The following ACP7 variants were observed in gnomAD, a reference collection of about 807,000 sequenced individuals.
The protein encoded by ACP7 is acid phosphatase 7, tartrate resistant (putative), also known as acid phosphatase type 7.
ACP7 carries 58 observed loss-of-function variants against 60.6 expected under a neutral mutation model. The observed-to-expected ratio is 0.96, with a 90% CI of 0.77 to 1.19. The LOEUF is 1.19. Among genes scored for constraint, ACP7 ranks in the 50% most tolerant of loss-of-function variants. ACP7 has a pLI of 0.00. For missense variants in ACP7, 574 were observed against 596.2 expected (o/e 0.96, Z 0.39); for synonymous variants, 237 against 232.6 (o/e 1.02, Z -0.17).
chr19:39,083,968 C>T (rs960143968), upstream of ACP7: 1 of 152,408 alleles, frequency 6.6e-6, no homozygotes, highest in Non-Finnish European at 1.5e-5. Flanking sequence ...GTTGGGGATC[C>T]CCCGGTCCTG....
chr19:39,085,489 G>T, intron 2 of ACP7, 99 bp downstream of exon 2: 2 of 1,446,338 alleles, frequency 1.4e-6, no homozygotes, highest in Non-Finnish European at 1.8e-6. Context: ...GCCCCTAGGC[G>T]GGTGGCTCAT....
In ACP7 at chr19:39,100,984, C is replaced by A; in HGVS notation, c.843C>A (p.Ile281=). 1.9e-6 allele frequency: 3 copies of A among 1,613,640 alleles called. No individual in the cohort carries two copies. The highest frequency in any genetic ancestry group is 2.5e-6 in the Non-Finnish European group (3 of 1,179,974). The change falls in exon 8 of 13, where the codon ATC becomes ATA. Residue 281 remains isoleucine, a synonymous_variant. Transcript: ENST00000331256. ...ANKNRAARPW[I]ITMGHRPMYC... ...AGAACCGGGCAGCCCGGCCGTGGAT[C>A]ATCACTATGGGGCACCGGCCCATGT...
At chr19:39,094,088 C>T (rs184048728) in intron 2 of ACP7, among the ~76,000 whole-genome samples, 6 of 152,270 alleles carry the variant, frequency 3.9e-5, no homozygotes, top group Admixed American at 6.5e-5. Context: ...CTACACCACA[C>T]GGTATTTTTA....
intron 3 of ACP7, 138 bp from the exon 4 acceptor site, chr19:39,098,822 G>A (rs1170240697): frequency 1.5e-6 from 2 of 1,379,224 alleles, no homozygotes; most frequent in African/African-American, 2.9e-5. Flanking sequence ...AGGTGCCGGG[G>A]AAGGCAGACC....
At chr19:39,089,148 C>T (rs953538627) in intron 2 of ACP7, among the ~76,000 whole-genome samples, 8 of 151,970 alleles carry the variant, frequency 5.3e-5, no homozygotes, top group African/African-American at 9.7e-5. Context: ...AGGCTGGTCT[C>T]GAACTCCTGA....
At chr19:39,092,574 T>A (rs2073215589) in intron 2 of ACP7, among the ~76,000 whole-genome samples, 1 of 152,114 alleles carries the variant, frequency 6.6e-6, no homozygotes, top group Non-Finnish European at 1.5e-5. Flanking sequence ...TTTTTTTTAA[T>A]CTGGTTAGGT....
intron 11 of ACP7, among the ~76,000 whole-genome samples, chr19:39,106,359 C>T (rs576646974): frequency 6.6e-6 from 1 of 152,310 alleles, no homozygotes; most frequent in African/African-American, 2.4e-5. Flanking sequence ...ATTTAACTGA[C>T]TCCCTGATGG....
At chr19:39,102,767 C>CTT (rs754172891) in intron 11 of ACP7, among the ~76,000 whole-genome samples, 3,877 of 100,942 alleles carry the variant, frequency 0.038, 62 homozygotes, top group African/African-American at 0.062. Flanking sequence ...TTCTTTCTTT[C>CTT]TCTCTCTCTC....
intron 2 of ACP7, among the ~76,000 whole-genome samples, chr19:39,094,855 G>T (rs114377753): frequency 6.6e-4 from 100 of 152,234 alleles, no homozygotes; most frequent in African/African-American, 2.3e-3. Flanking sequence ...GGCTGGGGAG[G>T]CCTGAGAATC....
chr19:39,101,619 G>C (rs991490464), intron 11 of ACP7, 82 bp downstream of exon 11: 2 of 1,453,330 alleles, frequency 1.4e-6, no homozygotes, highest in Non-Finnish European at 1.9e-6. Context: ...CTGAGTGCTG[G>C]GTGCTTTATA....
At position 39,110,253 on chromosome 19, in the gene ACP7, T is replaced by A; in HGVS notation, c.*135T>A. 1 of 785,940 alleles carries A rather than the reference T, an allele frequency of 1.3e-6. No homozygotes were observed. Among genetic ancestry groups the A allele is most frequent in the Non-Finnish European group, 2.1e-6 (1 of 479,052 alleles). 48.7% of individuals were successfully genotyped at this position (785,940 alleles called of 1,614,324 possible). On this transcript the variant is annotated 3_prime_UTR_variant, in exon 13 of 13. Coordinates refer to ENST00000331256, the MANE Select transcript of ACP7 (RefSeq NM_001004318.3). ...CTCCAGAGGCCCCATGTAGGGTACA[T>A]GCAGCCCTATGGAGCTGGGGCAGCT...
intron 3 of ACP7, 37 bp downstream of exon 3, chr19:39,098,695 T>G: frequency 2.6e-6 from 4 of 1,565,024 alleles, no homozygotes; most frequent in Admixed American, 1.8e-5. Context: ...TGAGGAGGAG[T>G]GGGAAGAGGA....
At chr19:39,094,068 T>A (rs914029129) in intron 2 of ACP7, among the ~76,000 whole-genome samples, 1 of 152,200 alleles carries the variant, frequency 6.6e-6, no homozygotes, top group African/African-American at 2.4e-5. Flanking sequence ...GAAGAACTCT[T>A]AACATTACAC....
chr19:39,092,295 A>G (rs935136738), intron 2 of ACP7, among the ~76,000 whole-genome samples: 3 of 151,990 alleles, frequency 2.0e-5, no homozygotes, highest in African/African-American at 7.2e-5. Context: ...AATCGCTTCA[A>G]CCCGGGAGGC....
chr19:39,103,521 T>G (rs2073380749), intron 11 of ACP7, among the ~76,000 whole-genome samples: 1 of 150,828 alleles, frequency 6.6e-6, no homozygotes, highest in South Asian at 2.1e-4. Flanking sequence ...TTTTTTAATT[T>G]TTTAATTTAA....
chr19:39,087,585 T>G (rs987211562), intron 2 of ACP7, among the ~76,000 whole-genome samples: 4 of 151,546 alleles, frequency 2.6e-5, no homozygotes, highest in Admixed American at 2.6e-4. Flanking sequence ...CTCAGTCTCT[T>G]GAATAGCTGG....
chr19:39,106,965 A>G lies in ACP7; in HGVS notation c.1132A>G (p.Thr378Ala), dbSNP rs765532236. Residue 378 changes from threonine (T) to alanine (A), a missense_variant, in exon 12 of 13, where the codon ACG (threonine) becomes GCG (alanine). Thr to Ala is a moderately conservative substitution (Grantham distance 58). Coordinates refer to ENST00000331256, the MANE Select transcript of ACP7 (RefSeq NM_001004318.3). Reference protein sequence around the residue: ...TGSAGCEERLTPFAVFPRPWS... With the variant: ...TGSAGCEERLAPFAVFPRPWS... ...GCCCCAGGGCTGTGAGGAGCGGCTG[A>G]CGCCCTTTGCTGTCTTCCCGAGGCC... 1.2e-6 allele frequency: 2 copies of G among 1,613,758 alleles called. No individual in the cohort carries two copies. The highest frequency in any genetic ancestry group is 1.3e-5 in the African/African-American group (1 of 75,026).
At chr19:39,098,854 C>T (rs1203288175) in intron 3 of ACP7, 106 bp from the exon 4 acceptor site, 1 of 1,485,602 alleles carries the variant, frequency 6.7e-7, no homozygotes, top group Admixed American at 2.0e-5. Flanking sequence ...GGCCAGCCCC[C>T]ACCAGTCCCC....
At chr19:39,086,399 G>A (rs2073141451) in intron 2 of ACP7, among the ~76,000 whole-genome samples, 1 of 152,124 alleles carries the variant, frequency 6.6e-6, no homozygotes, top group Non-Finnish European at 1.5e-5. Flanking sequence ...GGACACTGAG[G>A]TGGGTGGATC....
Sources: gnomAD v4.1 joint callset for allele counts (sites outside exome capture counted in the v4.1 genomes callset) on GRCh38, gnomAD v4.1.1 for gene constraint, MANE v1.5 for transcripts, NCBI Gene and HGNC (gene_info 2026-07-23, HGNC 2026-07-21) for gene names.